SMPDL3A: variants seen among roughly 807,000 people sequenced by gnomAD.
SMPDL3A encodes the protein cyclic GMP-AMP phosphodiesterase SMPDL3A.
Under a neutral mutation model 38.5 loss-of-function variants are expected in SMPDL3A, and 39 were observed. The ratio of observed to expected loss-of-function variants is 1.01; its 90% confidence interval spans 0.78 to 1.32. The LOEUF is 1.32. SMPDL3A is among the 40% of genes most tolerant of loss of function. SMPDL3A has a pLI of 0.00. For synonymous variants in SMPDL3A, 180 were observed against 194.3 expected, an observed-to-expected ratio of 0.93 and a Z score of 0.61; for missense variants, 502 against 536.2, an observed-to-expected ratio of 0.94 and a Z score of 0.63.
intron 4 of SMPDL3A, among the ~76,000 whole-genome samples, chr6:122,802,557 T>C (rs1781462149): frequency 6.6e-6 from 1 of 152,170 alleles, no homozygotes; most frequent in Non-Finnish European, 1.5e-5. Context: ...TTATGCAGGT[T>C]GAAGGGAGAG....
chr6:122,799,961 C>CTTTT (rs112956534), intron 3 of SMPDL3A, among the ~76,000 whole-genome samples: 108 of 124,520 alleles, frequency 8.7e-4, no homozygotes, highest in East Asian at 1.7e-3. Context: ...TCAGTATTTA[C>CTTTT]TTTTTTTTTT....
chr6:122,804,302 T>A (rs947012196), intron 5 of SMPDL3A, among the ~76,000 whole-genome samples: 34 of 150,896 alleles, frequency 2.3e-4, no homozygotes, highest in African/African-American at 5.6e-4. Context: ...ATTTTAGTTT[T>A]AAATTTTTTT....
chr6:122,803,931 A>T, intron 5 of SMPDL3A, 98 bp downstream of exon 5: 2 of 970,976 alleles, frequency 2.1e-6, no homozygotes, highest in East Asian at 2.5e-5. Context: ...TAAAAGTATT[A>T]TAATTTGAAG....
At chr6:122,793,436 C>A (rs1188760528) in intron 1 of SMPDL3A, among the ~76,000 whole-genome samples, 1 of 152,156 alleles carries the variant, frequency 6.6e-6, no homozygotes, top group East Asian at 1.9e-4. Context: ...GTTTCATGTT[C>A]ATTTACTATA....
intron 7 of SMPDL3A, among the ~76,000 whole-genome samples, chr6:122,807,354 C>G (rs1367258384): frequency 6.6e-6 from 1 of 152,160 alleles, no homozygotes; most frequent in Non-Finnish European, 1.5e-5. Flanking sequence ...AAAAAGTTAG[C>G]TCGGCGTGGC....
At chr6:122,807,315 G>A (rs565904633) in intron 7 of SMPDL3A, among the ~76,000 whole-genome samples, 7 of 152,234 alleles carry the variant, frequency 4.6e-5, no homozygotes, top group South Asian at 2.1e-4. Context: ...TGGCTGACAC[G>A]GTGAAACCCC....
In SMPDL3A at chr6:122,809,120, A is replaced by G. The variant is rs762548887; in HGVS notation, c.1074A>G (p.Thr358=). The change falls in exon 8 of 8, where the codon ACA becomes ACG. Residue 358 remains threonine, a synonymous_variant. Transcript: ENST00000368440. The stretch of plus-strand genomic sequence containing the variant: ...TGTTGCAGTATTACTTGAATCTGAC[A>G]GAGGCGAATCTAAAGGGAGAGTCCA... The part of the protein sequence containing the change: ...LDMLQYYLNL[T]EANLKGESIW... The G allele has an allele frequency of 1.2e-6, 2 of 1,614,136 alleles. No homozygotes were observed. The highest frequency in any genetic ancestry group is 1.1e-5 in the South Asian group (1 of 91,080).
rs1449658458 is a variant in SMPDL3A at position 122,803,836 on chromosome 6, A to G, written c.738+3A>G. Reference sequence around the variant, plus strand: ...ACTCTCAGCAGAATAAGGAGAAGGTAGATCCCATAGACCAAAACCATCTGG... The same window carrying G: ...ACTCTCAGCAGAATAAGGAGAAGGTGGATCCCATAGACCAAAACCATCTGG... On this transcript the variant is annotated splice_donor_region_variant and intron_variant, in intron 5 of 7. Coordinates refer to ENST00000368440, the MANE Select transcript of SMPDL3A (RefSeq NM_006714.5). 7 of 1,612,514 alleles carry G rather than the reference A, an allele frequency of 4.3e-6. No homozygotes were observed. The highest frequency in any genetic ancestry group is 5.9e-6 in the Non-Finnish European group (7 of 1,179,524).
At chr6:122,805,287 A>T (rs146139557) in intron 6 of SMPDL3A, among the ~76,000 whole-genome samples, 198 bp downstream of exon 6, 238 of 152,332 alleles carry the variant, frequency 1.6e-3, no homozygotes, top group African/African-American at 5.5e-3. Context: ...GATTTCTTCA[A>T]CGTAAGCTCC....
chr6:122,808,909 G>C (rs1220962242), intron 7 of SMPDL3A, among the ~76,000 whole-genome samples, 182 bp from the exon 8 acceptor site: 2 of 151,840 alleles, frequency 1.3e-5, no homozygotes, highest in African/African-American at 4.8e-5. Flanking sequence ...GGTCAGGCTG[G>C]TCTCAAACTC....
At chr6:122,791,332 T>C (rs1275563674) in intron 1 of SMPDL3A, among the ~76,000 whole-genome samples, 1 of 152,182 alleles carries the variant, frequency 6.6e-6, no homozygotes, top group Non-Finnish European at 1.5e-5. Context: ...GCAAACTAAA[T>C]ACGGCCTGAG....
At chr6:122,794,468 GCA>G (rs1781178763) in intron 1 of SMPDL3A, among the ~76,000 whole-genome samples, 1 of 152,028 alleles carries the variant, frequency 6.6e-6, no homozygotes, top group Non-Finnish European at 1.5e-5. Context: ...GTGGTGGCGT[GCA>G]CCTGTAATCC....
At chr6:122,799,859 G>A (rs1781368046) in intron 3 of SMPDL3A, among the ~76,000 whole-genome samples, 1 of 151,812 alleles carries the variant, frequency 6.6e-6, no homozygotes, top group Non-Finnish European at 1.5e-5. Context: ...TAAATGAAGA[G>A]AGTGAAGAAG....
At position 122,809,180 on chromosome 6, in the gene SMPDL3A, C is replaced by T. The variant is rs376202815; in HGVS notation, c.1134C>T (p.Tyr378=). The T allele has an allele frequency of 1.1e-5, 17 of 1,613,898 alleles. No homozygotes were observed. Among genetic ancestry groups the T allele is most frequent in the Admixed American group, 8.3e-5 (5 of 59,992 alleles). Residue 378 remains tyrosine, a synonymous_variant, in exon 8 of 8, where the codon TAC becomes TAT. Transcript: ENST00000368440. ...WKLEYILTQT[Y]DIEDLQPESL... ...TGGAGTATATCCTGACCCAGACCTA[C>T]GACATTGAAGATTTGCAGCCGGAAA...
rs535744758 is a variant in SMPDL3A at position 122,795,648 on chromosome 6, T to C, written c.113-29T>C. 27 of 1,533,574 alleles carry C rather than the reference T, an allele frequency of 1.8e-5. No homozygotes were observed. In the East Asian group the frequency reaches 5.4e-4, roughly 31 times the overall value. The allele number at this position is 1,533,574 out of a possible 1,614,324, so 95.0% of individuals were successfully genotyped here. On this transcript the variant is annotated intron_variant, in intron 1 of 7. Transcript: ENST00000368440. ...AGAATTCCAAAAGAGAACAAGTAGA[T>C]TTATCTGCATTTTTTGTGTAATCAA...
chr6:122,789,860 A>C, intron 1 of SMPDL3A: 1 of 985,358 alleles, frequency 1.0e-6, no homozygotes, highest in African/African-American at 1.7e-5. Context: ...AGAGGCCCCT[A>C]ATCGGTCCTG....
chr6:122,789,950 G>C, intron 1 of SMPDL3A: 4 of 881,574 alleles, frequency 4.5e-6, no homozygotes, highest in Non-Finnish European at 4.1e-6. Context: ...TGTCTTGCTC[G>C]ACCGAGATCA....
chr6:122,789,412 G>A lies in SMPDL3A; in HGVS notation c.66G>A (p.Gly22=), dbSNP rs1212355617. Reference sequence around the variant, plus strand: ...CCTGGCACTGCCGCTCCGGCCTCGGGCTGCCCGTGGCGCCCGCAGGCGGCA... The same window carrying A: ...CCTGGCACTGCCGCTCCGGCCTCGGACTGCCCGTGGCGCCCGCAGGCGGCA... ...LTAWHCRSGL[G]LPVAPAGGRN... is the part of the protein sequence containing the mutation. The change falls in exon 1 of 8, where the codon GGG becomes GGA. Residue 22 remains glycine (G), a synonymous_variant. Transcript: ENST00000368440. 3.2e-6 allele frequency: 5 copies of A among 1,549,258 alleles called. No homozygotes were observed. Among genetic ancestry groups the A allele is most frequent in the African/African-American group, 1.4e-5 (1 of 72,994 alleles).
intron 4 of SMPDL3A, among the ~76,000 whole-genome samples, chr6:122,803,176 T>C (rs1344800979): frequency 6.6e-6 from 1 of 152,200 alleles, no homozygotes. Flanking sequence ...GTGGGTGGAA[T>C]GATGCCTTTA....
Sources: gnomAD v4.1 joint callset for allele counts (sites outside exome capture counted in the v4.1 genomes callset) on GRCh38, gnomAD v4.1.1 for gene constraint, MANE v1.5 for transcripts, NCBI Gene and HGNC (gene_info 2026-07-23, HGNC 2026-07-21) for gene names.